The following LRMDA variants were observed in gnomAD, a reference collection of about 807,000 sequenced individuals.
The protein encoded by LRMDA is leucine-rich melanocyte differentiation-associated protein.
In LRMDA, 18 loss-of-function variants were observed where a neutral mutation model predicts 29.8. The observed-to-expected ratio is 0.60, with a 90% CI of 0.42 to 0.90. The LOEUF is 0.90. LRMDA is among the 40% of genes least tolerant of loss of function. LRMDA has a pLI of 0.00. For missense variants in LRMDA, 273 were observed against 273.9 expected, an observed-to-expected ratio of 1.00 and a Z score of 0.02; for synonymous variants, 125 against 109.4, an observed-to-expected ratio of 1.14 and a Z score of -0.89.
At chr10:75,615,622 GTAGAGTACTTATTC>G (rs1367021131) in intron 2 of LRMDA, among the ~76,000 whole-genome samples, 1 of 152,176 alleles carries the variant, frequency 6.6e-6, no homozygotes, top group African/African-American at 2.4e-5. Flanking sequence ...ATATTGTTGA[GTAGAGTACTTATTC>G]TAATGGAAAT....
At chr10:76,059,544 G>C (rs1197085932) in intron 5 of LRMDA, among the ~76,000 whole-genome samples, 1 of 152,152 alleles carries the variant, frequency 6.6e-6, no homozygotes. Flanking sequence ...GACCCCTGAT[G>C]ATCTCCTTGG....
intron 2 of LRMDA, among the ~76,000 whole-genome samples, chr10:75,444,579 G>A (rs1293033144): frequency 1.3e-5 from 2 of 152,194 alleles, no homozygotes; most frequent in Non-Finnish European, 1.5e-5. Flanking sequence ...GGTTTAGGGA[G>A]CTGATCAGGT....
In LRMDA at chr10:76,217,223, G is replaced by T. The variant is rs548861808; in HGVS notation, c.517-107178G>T. ...ATAATATTTTTCCATCTTCCTCATT[G>T]TTAAGTTGCATGGCTCAACTGCAAT... On this transcript the variant is annotated intron_variant, in intron 5 of 6. Coordinates refer to ENST00000611255, the MANE Select transcript of LRMDA (RefSeq NM_001305581.2). 2.0e-5 allele frequency among the ~76,000 whole-genome samples: 3 copies of T among 152,170 alleles called. No homozygotes were observed. The East Asian group carries it at 5.8e-4, about 29-fold the overall frequency.
At chr10:75,908,539 A>T (rs1269765942) in intron 2 of LRMDA, among the ~76,000 whole-genome samples, 2 of 152,204 alleles carry the variant, frequency 1.3e-5, no homozygotes, top group African/African-American at 4.8e-5. Flanking sequence ...TTAGGGACTC[A>T]TATACACATT....
intron 2 of LRMDA, among the ~76,000 whole-genome samples, chr10:75,795,219 C>A (rs941057789): frequency 1.3e-5 from 2 of 151,982 alleles, no homozygotes; most frequent in Non-Finnish European, 2.9e-5. Context: ...CATGGTGAAA[C>A]CCTGTCTCTA....
chr10:75,585,777 C>T (rs1221899453), intron 2 of LRMDA, among the ~76,000 whole-genome samples: 1 of 152,140 alleles, frequency 6.6e-6, no homozygotes, highest in Non-Finnish European at 1.5e-5. Flanking sequence ...ATCTCTAGAG[C>T]TTATTCATCC....
At chr10:75,633,881 CCAAGTGTTTAGT>C in intron 2 of LRMDA, among the ~76,000 whole-genome samples, 1 of 152,200 alleles carries the variant, frequency 6.6e-6, no homozygotes, top group Middle Eastern at 3.4e-3. Context: ...CAAGTCAGAA[CCAAGTGTTTAGT>C]CAATAAAATA....
chr10:76,440,103 T>C (rs140450742), intron 6 of LRMDA, among the ~76,000 whole-genome samples: 4 of 152,260 alleles, frequency 2.6e-5, no homozygotes, highest in East Asian at 1.9e-4. Context: ...AAGTTAAAGA[T>C]ACAAGAGCGA....
chr10:76,379,065 C>T (rs1028793262), intron 6 of LRMDA, among the ~76,000 whole-genome samples: 1 of 151,872 alleles, frequency 6.6e-6, no homozygotes, highest in African/African-American at 2.4e-5. Flanking sequence ...CCATGTTGGC[C>T]AGGCTGGTCT....
intron 6 of LRMDA, among the ~76,000 whole-genome samples, chr10:76,392,272 A>G (rs1841731563): frequency 6.6e-6 from 1 of 152,174 alleles, no homozygotes; most frequent in Admixed American, 6.6e-5. Flanking sequence ...AGGTCAACGT[A>G]ACAAACTTGT....
intron 2 of LRMDA, among the ~76,000 whole-genome samples, chr10:75,832,302 A>G (rs1461800623): frequency 6.6e-6 from 1 of 152,106 alleles, no homozygotes; most frequent in African/African-American, 2.4e-5. Flanking sequence ...ATTTCCACAA[A>G]TCTCTAGGGA....
At chr10:75,715,825 C>T (rs1842493274) in intron 2 of LRMDA, among the ~76,000 whole-genome samples, 1 of 150,694 alleles carries the variant, frequency 6.6e-6, no homozygotes, top group African/African-American at 2.5e-5. Context: ...GCCCTCCCTC[C>T]TCTTTCCTCC....
chr10:75,610,674 G>T (rs1417688214), intron 2 of LRMDA, among the ~76,000 whole-genome samples: 1 of 152,024 alleles, frequency 6.6e-6, no homozygotes, highest in East Asian at 1.9e-4. Flanking sequence ...GGCAGGCCCA[G>T]GTTCCCCAGT....
intron 2 of LRMDA, among the ~76,000 whole-genome samples, chr10:75,942,198 A>C (rs76118970): frequency 0.039 from 5,879 of 152,104 alleles, 377 homozygotes; most frequent in African/African-American, 0.13. Context: ...CTCAGTGTTT[A>C]TCATACAAAT....
At chr10:76,440,254 T>C (rs1842287732) in intron 6 of LRMDA, among the ~76,000 whole-genome samples, 1 of 152,230 alleles carries the variant, frequency 6.6e-6, no homozygotes, top group Non-Finnish European at 1.5e-5. Flanking sequence ...AAGATTTAGA[T>C]AATATCAGGC....
chr10:76,498,727 A>G lies in LRMDA; in HGVS notation c.602-58482A>G, dbSNP rs1303681438. ...TAAGTAGAAAGATAAATCAAAACCA[A>G]TCTATAAAAGTTAGATTCATATCTC... On this transcript the variant is annotated intron_variant, in intron 6 of 6. Transcript: ENST00000611255. 3.9e-5 allele frequency among the ~76,000 whole-genome samples: 3 copies of G among 76,186 alleles called. 1 individual carries two copies. The East Asian group carries it at 7.5e-4, about 19-fold the overall frequency. 50.0% of individuals were successfully genotyped at this position (76,186 alleles called of 152,430 possible). A position where few individuals can be genotyped will look rare whatever the true frequency, so the allele number is the denominator to read the frequency against.
At chr10:76,378,776 G>A (rs1018815923) in intron 6 of LRMDA, among the ~76,000 whole-genome samples, 3 of 150,850 alleles carry the variant, frequency 2.0e-5, no homozygotes, top group Admixed American at 6.6e-5. Context: ...TCAATTTGCT[G>A]CTATTTTGTT....
intron 6 of LRMDA, among the ~76,000 whole-genome samples, chr10:76,552,971 T>G (rs1474242555): frequency 2.6e-5 from 4 of 152,130 alleles, no homozygotes; most frequent in African/African-American, 7.2e-5. Context: ...ACCTGCATAA[T>G]TAGGATGTCC....
intron 2 of LRMDA, among the ~76,000 whole-genome samples, chr10:75,943,930 T>C (rs969148178): frequency 1.3e-5 from 2 of 152,202 alleles, no homozygotes; most frequent in South Asian, 2.1e-4. Context: ...AACATTTTGC[T>C]TAAATCGCTA....
Sources: gnomAD v4.1 joint callset for allele counts (sites outside exome capture counted in the v4.1 genomes callset) on GRCh38, gnomAD v4.1.1 for gene constraint, MANE v1.5 for transcripts, NCBI Gene and HGNC (gene_info 2026-07-23, HGNC 2026-07-21) for gene names.